Variants in TULP3 observed in about 807,000 individuals in gnomAD.
TULP3 encodes the protein tubby-related protein 3.
In TULP3, 38 loss-of-function variants were observed where a neutral mutation model predicts 50.7. That is an observed-to-expected ratio of 0.75 (90% CI 0.58 to 0.98). The LOEUF (loss-of-function observed/expected upper bound fraction) is 0.98, where lower values mean the gene tolerates loss of function less well. Among genes scored for constraint, TULP3 ranks in the 50% least tolerant of loss-of-function variants. TULP3 has a pLI of 0.00. For missense variants in TULP3, 550 were observed against 568.0 expected (o/e 0.97, Z 0.32); for synonymous variants, 183 against 196.6 (o/e 0.93, Z 0.58).
At chr12:2,916,534 C>T (rs2098188795) in intron 2 of TULP3, among the ~76,000 whole-genome samples, 2 of 152,134 alleles carry the variant, frequency 1.3e-5, no homozygotes, top group African/African-American at 4.8e-5. Flanking sequence ...ATCACGAAGG[C>T]AGTGTGTTTT....
intron 1 of TULP3, among the ~76,000 whole-genome samples, chr12:2,907,388 T>C (rs1043056034): frequency 2.0e-5 from 3 of 149,762 alleles, no homozygotes; most frequent in Non-Finnish European, 4.4e-5. Flanking sequence ...GGCAGGAGAA[T>C]CGCTTGAACC....
chr12:2,929,793 G>A (rs1017431721), intron 4 of TULP3, among the ~76,000 whole-genome samples: 14 of 151,872 alleles, frequency 9.2e-5, no homozygotes, highest in Admixed American at 7.2e-4. Context: ...GTTTCACCAT[G>A]TTAGCCAGGA....
chr12:2,938,107 T>C lies in TULP3; in HGVS notation c.1024-7T>C, dbSNP rs1053506788. ...CAGTACAAAGTAATGATTTTCCCTT[T>C]GGACAGAACCATGACAGTTTGCTCT... On this transcript the variant is annotated splice_region_variant and splice_polypyrimidine_tract_variant and intron_variant, in intron 9 of 10. Coordinates refer to ENST00000448120, the MANE Select transcript of TULP3 (RefSeq NM_003324.5). 3.7e-6 allele frequency: 6 copies of C among 1,614,034 alleles called. No homozygotes were observed. The African/African-American group carries it at 8.0e-5, about 22-fold the overall frequency.
Position 2,934,437 on chromosome 12 carries a change from C to T in TULP3, c.810-10C>T. 6.5e-7 allele frequency: 1 copy of T among 1,537,866 alleles called. No individual in the cohort carries two copies. Among genetic ancestry groups the T allele is most frequent in the Non-Finnish European group, 8.7e-7 (1 of 1,143,044 alleles). ...CAGATCATCATGGTGACTTTTTCTC[C>T]TGACTCCAGATCCAACCTCATGGGG... is the stretch of plus-strand genomic sequence containing the variant. On this transcript the variant is annotated splice_polypyrimidine_tract_variant and intron_variant, in intron 7 of 10. Transcript: ENST00000448120.
chr12:2,922,456 T>C, intron 4 of TULP3, 54 bp downstream of exon 4: 1 of 1,570,134 alleles, frequency 6.4e-7, no homozygotes, highest in Non-Finnish European at 8.6e-7. Flanking sequence ...AATTGTAATC[T>C]TTTCCTTTCT....
intron 8 of TULP3, 122 bp from the exon 9 acceptor site, chr12:2,937,509 C>T (rs2098202081): frequency 1.3e-6 from 1 of 756,628 alleles, no homozygotes; most frequent in Non-Finnish European, 2.3e-6. Context: ...GATCCACTGC[C>T]CCGGCTGATA....
intron 1 of TULP3, among the ~76,000 whole-genome samples, chr12:2,892,191 A>G (rs928964366): frequency 6.6e-6 from 1 of 152,196 alleles, no homozygotes; most frequent in African/African-American, 2.4e-5. Flanking sequence ...GTTGGGGGTA[A>G]AGAACATGTA....
At position 2,890,926 on chromosome 12, in the gene TULP3, G is replaced by T; in HGVS notation, c.-22G>T. On this transcript the variant is annotated 5_prime_UTR_variant, in exon 1 of 11. Coordinates refer to ENST00000448120, the MANE Select transcript of TULP3 (RefSeq NM_003324.5). ...CGGCGGGGAAGAGTGTGTACGTGGT[G>T]GGGGCTTCCTCGGTGGCGGGCATGG... 1 of 1,592,214 alleles carries T rather than the reference G, an allele frequency of 6.3e-7. No individual in the cohort carries two copies. The highest frequency in any genetic ancestry group is 1.7e-5 in the Admixed American group (1 of 57,476).
Position 2,939,416 on chromosome 12 carries a change from G to A in TULP3, c.1301G>A (p.Ser434Asn). The A allele has an allele frequency of 6.2e-7, 1 of 1,614,160 alleles. No homozygotes were observed. The highest frequency in any genetic ancestry group is 2.2e-5 in the East Asian group (1 of 44,870). ...CAGGCCTTTGGCATCGGTCTTTCTA[G>A]CTTTGACAGTAAGCTGGCGTGTGAA... ...AVQAFGIGLS[S>N]FDSKLACE Residue 434 changes from serine (S) to asparagine (N), a missense_variant, in exon 11 of 11, where the codon AGC becomes AAC. Coordinates refer to ENST00000448120, the MANE Select transcript of TULP3 (RefSeq NM_003324.5). The surrounding 1 kb of genome is among the most constrained non-coding windows in gnomAD (Gnocchi z 4.0).
At position 2,920,661 on chromosome 12, in the gene TULP3, A is replaced by G. The variant is rs1410472648; in HGVS notation, c.94-102A>G. 3.6e-6 allele frequency: 5 copies of G among 1,380,874 alleles called. No individual in the cohort carries two copies. In the East Asian group the frequency reaches 9.2e-5, roughly 26 times the overall value. 85.5% of individuals were successfully genotyped at this position (1,380,874 alleles called of 1,614,324 possible). On this transcript the variant is annotated intron_variant, in intron 2 of 10. Coordinates refer to ENST00000448120, the MANE Select transcript of TULP3 (RefSeq NM_003324.5). ...TTAAATGGGGAAAAAATAATTTACA[A>G]GATGTTTTGTGAGGATCAGTGAAAA...
chr12:2,937,231 T>TC (rs1491489767), intron 8 of TULP3, among the ~76,000 whole-genome samples: 111 of 130,348 alleles, frequency 8.5e-4, no homozygotes, highest in Non-Finnish European at 1.6e-3. Flanking sequence ...TTTTTTTTTT[T>TC]CTGAGGCAGA....
Position 2,896,041 on chromosome 12 carries a change from A to G in TULP3, c.41+5053A>G, listed in dbSNP as rs1008053930. ...CTGCAATCTCTGCCTCCCAGGTTCA[A>G]GTGATTCTCCTGCCTCAGCCTCCCA... On this transcript the variant is annotated intron_variant, in intron 1 of 10. Coordinates refer to ENST00000448120, the MANE Select transcript of TULP3 (RefSeq NM_003324.5). 1.4e-4 allele frequency among the ~76,000 whole-genome samples: 21 copies of G among 151,874 alleles called. 1 individual carries two copies. The highest frequency in any genetic ancestry group is 2.6e-4 in the Non-Finnish European group (18 of 68,006).
At chr12:2,899,972 T>C (rs1386966757) in intron 1 of TULP3, among the ~76,000 whole-genome samples, 1 of 151,198 alleles carries the variant, frequency 6.6e-6, no homozygotes, top group Non-Finnish European at 1.5e-5. Context: ...CCCAGCACTT[T>C]GGGAGGTTGA....
rs189841254 is a variant in TULP3 at position 2,910,089 on chromosome 12, G to A, written c.93+509G>A. ...AGGCAGATCACGAGGTCAGGAGATC[G>A]AGACCATCCTGACTAACACGGTGAA... On this transcript the variant is annotated intron_variant, in intron 2 of 10. Coordinates refer to ENST00000448120, the MANE Select transcript of TULP3 (RefSeq NM_003324.5). 2.0e-3 allele frequency among the ~76,000 whole-genome samples: 304 copies of A among 152,216 alleles called. 4 individuals carry two copies. The highest frequency in any genetic ancestry group is 6.7e-3 in the African/African-American group (278 of 41,538).
At chr12:2,930,757 T>C (rs1193774565) in intron 5 of TULP3, 3 of 527,706 alleles carry the variant, frequency 5.7e-6, no homozygotes, top group Admixed American at 3.2e-5. Flanking sequence ...ATACCATTAC[T>C]GAGTGAGGGT....
chr12:2,920,762 G>T lies in TULP3; in HGVS notation c.94-1G>T, dbSNP rs955828215. On this transcript the variant is annotated splice_acceptor_variant, in intron 2 of 10. Coordinates refer to ENST00000448120, the MANE Select transcript of TULP3 (RefSeq NM_003324.5). LOFTEE classifies it high-confidence loss of function. ...TGGCTGTCATATCGCTTTTTTCCCA[G>T]AGGCTACTACTTGAGAAGAGGCAAA... 1.7e-5 allele frequency: 28 copies of T among 1,613,314 alleles called. No homozygotes were observed. The highest frequency in any genetic ancestry group is 2.4e-5 in the Non-Finnish European group (28 of 1,179,738).
At chr12:2,898,723 C>T (rs2098177026) in intron 1 of TULP3, among the ~76,000 whole-genome samples, 1 of 152,090 alleles carries the variant, frequency 6.6e-6, no homozygotes, top group Non-Finnish European at 1.5e-5. Flanking sequence ...ACTATGTGCC[C>T]AGGCTGAGTG....
In TULP3 at chr12:2,933,493, T is replaced by TTATCTCGTGAAGGAGAAAGTTATGTC. The variant is rs2098199382; in HGVS notation, c.773_798dup (p.Gly267TyrfsTer31). The stretch of plus-strand genomic sequence containing the variant: ...CCTTATCTCCATTGATCCAGTTGAT[T>TTATCTCGTGAAGGAGAAAGTTATGTC]TATCTCGTGAAGGAGAAAGTTATGT... On this transcript the variant is annotated frameshift_variant, in exon 7 of 11. Coordinates refer to ENST00000448120, the MANE Select transcript of TULP3 (RefSeq NM_003324.5). LOFTEE classifies it high-confidence loss of function. The TTATCTCGTGAAGGAGAAAGTTATGTC allele has an allele frequency of 6.2e-7, 1 of 1,613,936 alleles. No homozygotes were observed. The highest frequency in any genetic ancestry group is 1.1e-5 in the South Asian group (1 of 91,068).
chr12:2,912,555 G>C (rs1412060320), intron 2 of TULP3, among the ~76,000 whole-genome samples: 1 of 152,218 alleles, frequency 6.6e-6, no homozygotes, highest in East Asian at 1.9e-4. Context: ...TGTCCCTTTG[G>C]TTAAGTGTCA....
Sources: gnomAD v4.1 joint callset for allele counts (sites outside exome capture counted in the v4.1 genomes callset) on GRCh38, gnomAD v4.1.1 for gene constraint, Gnocchi (gnomAD v3.1) non-coding constraint, MANE v1.5 for transcripts, NCBI Gene and HGNC (gene_info 2026-07-23, HGNC 2026-07-21) for gene names.